Variants in PARD6B observed in about 807,000 individuals in gnomAD.
The protein encoded by PARD6B is par-6 family cell polarity regulator beta, also known as partitioning defective 6 homolog beta.
In PARD6B, 4 loss-of-function variants were observed where a neutral mutation model predicts 10.5. The ratio of observed to expected loss-of-function variants is 0.38; its 90% CI spans 0.19 to 0.87. The LOEUF (loss-of-function observed/expected upper bound fraction) is 0.87. Ranked by LOEUF, PARD6B falls within the 40% of genes least tolerant of loss-of-function variation. PARD6B has a pLI of 0.41. For missense variants in PARD6B, 396 were observed against 470.6 expected (o/e 0.84, Z 1.47); for synonymous variants, 169 against 170.4 (o/e 0.99, Z 0.07).
At chr20:50,749,625 A>G in intron 2 of PARD6B, 34 bp from the exon 3 acceptor site, 3 of 1,497,748 alleles carry the variant, frequency 2.0e-6, no homozygotes, top group Non-Finnish European at 2.7e-6. Context: ...TTTTTACAGC[A>G]TTTCTATAAT....
chr20:50,735,656 A>G (rs2087495769), intron 1 of PARD6B, among the ~76,000 whole-genome samples: 1 of 152,186 alleles, frequency 6.6e-6, no homozygotes, highest in African/African-American at 2.4e-5. Flanking sequence ...AAGCATAACA[A>G]TTTCTCTTGG....
intron 1 of PARD6B, among the ~76,000 whole-genome samples, chr20:50,733,284 C>T (rs936341710): frequency 6.6e-6 from 1 of 152,036 alleles, no homozygotes; most frequent in South Asian, 2.1e-4. Flanking sequence ...TTTAGCCGGC[C>T]GTGGTGGCAC....
intron 1 of PARD6B, among the ~76,000 whole-genome samples, chr20:50,734,402 A>C (rs1173122832): frequency 6.6e-6 from 1 of 152,044 alleles, no homozygotes; most frequent in Non-Finnish European, 1.5e-5. Context: ...GCTGGAGTAC[A>C]ATGGCACGAT....
In PARD6B at chr20:50,737,912, A is replaced by T. The variant is rs961735341; in HGVS notation, c.122A>T (p.Glu41Val). 8.7e-6 allele frequency: 14 copies of T among 1,609,788 alleles called. No homozygotes were observed. The highest frequency in any genetic ancestry group is 1.2e-5 in the Non-Finnish European group (14 of 1,178,516). Reference sequence around the variant, plus strand: ...GAAAGATCAAAACCTGGAAAATTTGAGGAGTTTTATGGATTACTACAACAT... The same window carrying T: ...GAAAGATCAAAACCTGGAAAATTTGTGGAGTTTTATGGATTACTACAACAT... Reference protein sequence around the residue: ...SLERSKPGKFEEFYGLLQHVH... With the variant: ...SLERSKPGKFVEFYGLLQHVH... Residue 41 changes from glutamate to valine, a missense_variant, in exon 2 of 3, where the codon GAG becomes GTG. By Grantham distance (121) the Glu-to-Val change is moderately radical. Coordinates refer to ENST00000371610, the MANE Select transcript of PARD6B (RefSeq NM_032521.3).
chr20:50,742,999 T>C (rs550898146), intron 2 of PARD6B, among the ~76,000 whole-genome samples: 1 of 152,324 alleles, frequency 6.6e-6, no homozygotes, highest in East Asian at 1.9e-4. Flanking sequence ...TTAGAGTTTA[T>C]CCTAATTGAT....
At chr20:50,746,081 T>C (rs567221275) in intron 2 of PARD6B, among the ~76,000 whole-genome samples, 1 of 151,602 alleles carries the variant, frequency 6.6e-6, no homozygotes, top group Admixed American at 6.6e-5. Flanking sequence ...TTTTTTTTTC[T>C]AGATTTGCTT....
intron 2 of PARD6B, among the ~76,000 whole-genome samples, chr20:50,743,349 G>A (rs1304437668): frequency 4.6e-5 from 7 of 152,082 alleles, no homozygotes; most frequent in Non-Finnish European, 8.8e-5. Flanking sequence ...ATTTATTCTC[G>A]TTTTATTAGG....
chr20:50,747,372 T>A (rs2087573006), intron 2 of PARD6B, among the ~76,000 whole-genome samples: 1 of 152,038 alleles, frequency 6.6e-6, no homozygotes, highest in South Asian at 2.1e-4. Flanking sequence ...ATGGTGAGAT[T>A]GGTGTTTTCT....
At position 50,751,442 on chromosome 20, in the gene PARD6B, A is replaced by G. The variant is rs1280196006; in HGVS notation, c.*954A>G. ...GCGATCTTGGCTCACTGCAAGCTCT[A>G]CCTCCTGGGTTCACACCATTCTCCT... On this transcript the variant is annotated 3_prime_UTR_variant, in exon 3 of 3. Transcript: ENST00000371610. 1 of 755,916 alleles carries G rather than the reference A, an allele frequency of 1.3e-6. No homozygotes were observed. The highest frequency in any genetic ancestry group is 1.6e-6 in the Non-Finnish European group (1 of 638,602). 46.8% of individuals were successfully genotyped at this position (755,916 alleles called of 1,614,324 possible).
intron 2 of PARD6B, among the ~76,000 whole-genome samples, chr20:50,742,244 A>G (rs1408146767): frequency 1.3e-5 from 2 of 151,758 alleles, no homozygotes; most frequent in African/African-American, 2.4e-5. Flanking sequence ...GGGTTTTGCC[A>G]TGTTGGCCAG....
intron 1 of PARD6B, among the ~76,000 whole-genome samples, chr20:50,735,151 CA>C (rs992510640): frequency 4.7e-5 from 7 of 150,338 alleles, no homozygotes; most frequent in Admixed American, 4.6e-4. Context: ...GACTCTGTCT[CA>C]AAAAAATAAA....
In PARD6B at chr20:50,750,672, G is replaced by C; in HGVS notation, c.*184G>C. 1 of 1,375,820 alleles carries C rather than the reference G, an allele frequency of 7.3e-7. No homozygotes were observed. The highest frequency in any genetic ancestry group is 9.4e-7 in the Non-Finnish European group (1 of 1,068,844). The allele number at this position is 1,375,820 out of a possible 1,614,324, so 85.2% of individuals were successfully genotyped here. A position where few individuals can be genotyped will look rare whatever the true frequency, so the allele number is the denominator to read the frequency against. On this transcript the variant is annotated 3_prime_UTR_variant, in exon 3 of 3. Coordinates refer to ENST00000371610, the MANE Select transcript of PARD6B (RefSeq NM_032521.3). ...TTAATATAAACTTTGGTGGATCAGA[G>C]GTGAATTTAAGTCCAAAACAAAGGG...
intron 1 of PARD6B, among the ~76,000 whole-genome samples, chr20:50,732,476 CT>C (rs1050440094): frequency 1.3e-5 from 2 of 152,218 alleles, no homozygotes; most frequent in African/African-American, 4.8e-5. Context: ...ACATCAAGTG[CT>C]TTTCCCCTTG....
Position 50,741,980 on chromosome 20 carries a change from T to A in PARD6B, c.289+3901T>A, listed in dbSNP as rs142100634. Among the ~76,000 whole-genome samples, 282 of 152,350 alleles carry A rather than the reference T, an allele frequency of 1.9e-3. 1 individual carries two copies. Among genetic ancestry groups the A allele is most frequent in the Non-Finnish European group, 3.1e-3 (209 of 68,032 alleles). Reference sequence around the variant, plus strand: ...GTATAGTTACATTTTACTGCTTGATTACAGCACATTTTCTGTTTGCTTTTT... The same window carrying A: ...GTATAGTTACATTTTACTGCTTGATAACAGCACATTTTCTGTTTGCTTTTT... On this transcript the variant is annotated intron_variant, in intron 2 of 2. Coordinates refer to ENST00000371610, the MANE Select transcript of PARD6B (RefSeq NM_032521.3).
chr20:50,738,564 A>G (rs1203078954), intron 2 of PARD6B, among the ~76,000 whole-genome samples: 1 of 152,246 alleles, frequency 6.6e-6, no homozygotes, highest in Non-Finnish European at 1.5e-5. Context: ...CTATAGAAAG[A>G]TTATAATATT....
intron 1 of PARD6B, among the ~76,000 whole-genome samples, chr20:50,734,388 C>T (rs893728616): frequency 2.0e-5 from 3 of 151,920 alleles, no homozygotes; most frequent in African/African-American, 7.3e-5. Flanking sequence ...GCTCTGTCAC[C>T]CGGGCTGGAG....
At position 50,752,751 on chromosome 20, in the gene PARD6B, A is replaced by G; in HGVS notation, c.*2263A>G. Reference sequence around the variant, plus strand: ...TTCTCTATATGGTAAAATATATATGAAGAAGTCTTGATTACGTGAAGATCA... The same window carrying G: ...TTCTCTATATGGTAAAATATATATGGAGAAGTCTTGATTACGTGAAGATCA... On this transcript the variant is annotated 3_prime_UTR_variant, in exon 3 of 3. Transcript: ENST00000371610. The G allele has an allele frequency of 2.0e-6, 2 of 982,218 alleles. No individual in the cohort carries two copies. Among genetic ancestry groups the G allele is most frequent in the Non-Finnish European group, 2.4e-6 (2 of 826,604 alleles). The allele number at this position is 982,218 out of a possible 1,614,324, so 60.8% of individuals were successfully genotyped here.
In PARD6B at chr20:50,738,013, G is replaced by A. The variant is rs966994883; in HGVS notation, c.223G>A (p.Asp75Asn). 2.5e-6 allele frequency: 4 copies of A among 1,612,676 alleles called. No homozygotes were observed. The highest frequency in any genetic ancestry group is 3.4e-6 in the Non-Finnish European group (4 of 1,179,622). ...IHGDLLPINN[D>N]DNYHKAVSTA... ...TGGAGACTTACTACCTATAAATAAT[G>A]ATGATAATTATCACAAAGCTGTTTC... Residue 75 changes from aspartate (D) to asparagine (N), a missense_variant, in exon 2 of 3, where the codon GAT (aspartate) becomes AAT (asparagine). By Grantham distance (23) the Asp-to-Asn change is conservative. Transcript: ENST00000371610.
intron 2 of PARD6B, among the ~76,000 whole-genome samples, chr20:50,741,041 A>G (rs1372127246): frequency 6.6e-6 from 1 of 150,894 alleles, no homozygotes; most frequent in East Asian, 1.9e-4. Flanking sequence ...GCTCACTGCA[A>G]CCTCTGCTTC....
Sources: allele counts gnomAD v4.1 joint callset (sites outside exome capture counted in the v4.1 genomes callset), GRCh38; gene constraint gnomAD v4.1.1; transcripts MANE v1.5; gene names NCBI Gene and HGNC (gene_info 2026-07-23, HGNC 2026-07-21).